MZT2B: variants seen among roughly 807,000 people sequenced by gnomAD.
The protein encoded by MZT2B is mitotic spindle organizing protein 2B.
In MZT2B, 11 loss-of-function variants were observed where a neutral mutation model predicts 12.1. The observed-to-expected ratio is 0.91, with a 90% CI of 0.57 to 1.50. The LOEUF (loss-of-function observed/expected upper bound fraction) is 1.50, where lower values mean the gene tolerates loss of function less well. Ranked by LOEUF, MZT2B falls within the 40% of genes most tolerant of loss-of-function variation. The probability of loss-of-function intolerance (pLI) is 0.00; values close to 1 mark genes in which losing one functional copy is unlikely to be tolerated. For missense variants in MZT2B, 209 were observed against 227.7 expected (o/e 0.92, Z 0.53); for synonymous variants, 85 against 109.5 (o/e 0.78, Z 1.40).
downstream of MZT2B, chr2:130,194,026 G>A (rs149164713): frequency 2.9e-3 from 4,642 of 1,605,168 alleles, 73 homozygotes; most frequent in South Asian, 0.03. Context: ...TGACTGGGGC[G>A]TAGGTGGCCA....
At chr2:130,183,620 G>A in intron 2 of MZT2B, 8 of 1,175,938 alleles carry the variant, frequency 6.8e-6, no homozygotes, top group East Asian at 2.6e-5. Context: ...GAGGAGACCC[G>A]CACAGGCATC....
chr2:130,183,170 C>G, intron 2 of MZT2B: 1 of 334,008 alleles, frequency 3.0e-6, no homozygotes, highest in South Asian at 3.6e-5. Flanking sequence ...TTAGACCACT[C>G]TGGGTGACAG....
chr2:130,184,272 G>C, intron 2 of MZT2B: 1 of 985,428 alleles, frequency 1.0e-6, no homozygotes, highest in South Asian at 4.7e-5. Context: ...CCAGAGTGCG[G>C]TGTGCTGTGC....
chr2:130,191,600 C>G (rs1409628597), downstream of MZT2B: 40 of 563,816 alleles, frequency 7.1e-5, no homozygotes, highest in East Asian at 1.2e-3. Flanking sequence ...GGTCAGGTTA[C>G]TTCTGTGGCA....
At chr2:130,202,505 C>G in the MZT2B span, 1 of 1,263,488 alleles carries the variant, frequency 7.9e-7, no homozygotes, top group Admixed American at 2.4e-5. Flanking sequence ...AGGTTCATTT[C>G]ATACAGATGT....
the MZT2B span, chr2:130,202,423 A>T: frequency 1.2e-4 from 150 of 1,290,592 alleles, no homozygotes; most frequent in African/African-American, 2.2e-3. Flanking sequence ...TGGCAGGAGA[A>T]GGAGGACATG....
At chr2:130,181,890 C>A (rs1397167963), upstream of MZT2B, 7 of 1,519,244 alleles carry the variant, frequency 4.6e-6, no homozygotes, top group Non-Finnish European at 6.2e-6. Flanking sequence ...AAAAGCGACC[C>A]CTAGTGGTGC....
intron 2 of MZT2B, chr2:130,184,283 T>A: frequency 1.0e-6 from 1 of 985,292 alleles, no homozygotes; most frequent in Non-Finnish European, 1.2e-6. Flanking sequence ...TGTGCTGTGC[T>A]GGAGAGCACA....
downstream of MZT2B, among the ~76,000 whole-genome samples, chr2:130,191,461 C>G (rs190022637): frequency 5.8e-4 from 88 of 152,332 alleles, no homozygotes; most frequent in South Asian, 8.7e-3. Context: ...TCCCTTTTAG[C>G]CAGCATGACC....
At chr2:130,186,773 G>A (rs907294157) in intron 2 of MZT2B, among the ~76,000 whole-genome samples, 2 of 152,124 alleles carry the variant, frequency 1.3e-5, no homozygotes, top group Non-Finnish European at 2.9e-5. Context: ...GGGCATGGTG[G>A]CACACATCTG....
At chr2:130,195,049 C>T, downstream of MZT2B, 1 of 1,611,144 alleles carries the variant, frequency 6.2e-7, no homozygotes. Flanking sequence ...CCATGCAAGA[C>T]AATGGCCACA....
chr2:130,204,467 G>A, the MZT2B span: 2 of 351,750 alleles, frequency 5.7e-6, no homozygotes, highest in Non-Finnish European at 1.2e-5. Flanking sequence ...GAGGCGGGTG[G>A]ATGGCCTGAG....
the MZT2B span, among the ~76,000 whole-genome samples, chr2:130,199,418 C>T: frequency 8.4e-6 from 1 of 118,662 alleles, no homozygotes; most frequent in Non-Finnish European, 1.8e-5. Flanking sequence ...GGCATGGTGG[C>T]ATGCGCCTGT....
downstream of MZT2B, chr2:130,190,775 C>T (rs1326266664): frequency 5.1e-6 from 7 of 1,374,592 alleles, no homozygotes; most frequent in African/African-American, 1.1e-4. Flanking sequence ...TATATTAAGG[C>T]ACACTTAGAA....
chr2:130,192,923 ATC>A (rs1690302273), downstream of MZT2B, among the ~76,000 whole-genome samples: 1 of 151,990 alleles, frequency 6.6e-6, no homozygotes. Flanking sequence ...GCAAAATCCC[ATC>A]TCTACTAAAA....
intron 2 of MZT2B, among the ~76,000 whole-genome samples, 179 bp from the exon 3 acceptor site, chr2:130,190,290 G>C (rs1690216339): frequency 6.6e-6 from 1 of 152,240 alleles, no homozygotes; most frequent in African/African-American, 2.4e-5. Context: ...GGCTTCTGGG[G>C]CGTGACCTGT....
the MZT2B span, among the ~76,000 whole-genome samples, chr2:130,201,945 T>C: frequency 1.3e-5 from 2 of 152,228 alleles, no homozygotes; most frequent in African/African-American, 4.8e-5. Context: ...ATATATATGC[T>C]GTCTGTTGTT....
intron 2 of MZT2B, chr2:130,183,193 T>G (rs1234289432): frequency 1.0e-5 from 3 of 293,230 alleles, no homozygotes; most frequent in African/African-American, 6.8e-5. Context: ...TGAGATCCTG[T>G]CTCTAAATGT....
downstream of MZT2B, chr2:130,190,740 C>G (rs112340650): frequency 1.6e-6 from 2 of 1,279,828 alleles, no homozygotes; most frequent in Admixed American, 4.3e-5. Context: ...TGTTGTCTAC[C>G]GTTTTTTTTT....
Sources: gnomAD v4.1 joint callset for allele counts (sites outside exome capture counted in the v4.1 genomes callset) on GRCh38, gnomAD v4.1.1 for gene constraint, MANE v1.5 for transcripts, NCBI Gene and HGNC (gene_info 2026-07-23, HGNC 2026-07-21) for gene names.